TSC22D3: variants seen among roughly 807,000 people sequenced by gnomAD.
TSC22D3 encodes TSC22 domain family member 3.
In TSC22D3, 4 loss-of-function variants were observed where a neutral mutation model predicts 11.1. The observed-to-expected ratio is 0.36, with a 90% confidence interval of 0.18 to 0.83. The LOEUF (loss-of-function observed/expected upper bound fraction) is 0.83, where lower values mean the gene tolerates loss of function less well. Among genes scored for constraint, TSC22D3 ranks in the 40% least tolerant of loss-of-function variants. The probability of loss-of-function intolerance (pLI) is 0.48; values close to 1 mark genes in which losing one functional copy is unlikely to be tolerated. For missense variants in TSC22D3, 118 were observed against 159.4 expected (o/e 0.74, Z 1.40); for synonymous variants, 77 against 70.3 (o/e 1.10, Z -0.48).
chrX:107,771,710 G>C (rs1036242971), intron 1 of TSC22D3, among the ~76,000 whole-genome samples: 4 of 112,657 alleles, frequency 3.6e-5, no homozygotes, highest in Admixed American at 2.8e-4. Flanking sequence ...ATCTGTTATG[G>C]TTATTAGTTA....
chrX:107,775,561 C>G lies in TSC22D3; in HGVS notation c.-142G>C. The G allele has an allele frequency of 2.1e-6, 1 of 473,439 alleles. No individual in the cohort carries two copies. The highest frequency in any genetic ancestry group is 3.5e-6 in the Non-Finnish European group (1 of 287,315). The allele number at this position is 473,439 out of a possible 1,213,427, so 39.0% of individuals were successfully genotyped here. ...AAGAGTTGGAAATTAGCGCCTAAAG[C>G]CAGCCACCTTCGGCTCGGCCCCCTT... On this transcript the variant is annotated 5_prime_UTR_variant, in exon 1 of 3. Coordinates refer to ENST00000372383, the MANE Select transcript of TSC22D3 (RefSeq NM_198057.3).
intron 1 of TSC22D3, among the ~76,000 whole-genome samples, chrX:107,725,571 G>A (rs1474591488): frequency 1.8e-5 from 2 of 111,929 alleles, no homozygotes; most frequent in African/African-American, 3.3e-5. Flanking sequence ...ACATTCGGAC[G>A]AGGCTTGGCA....
chrX:107,775,012 C>T (rs1930068743), intron 1 of TSC22D3, 88 bp downstream of exon 1: 3 of 1,051,551 alleles, frequency 2.9e-6, no homozygotes, highest in South Asian at 2.1e-5. Flanking sequence ...TCCTGAACTT[C>T]CTAGTTGCCC....
chrX:107,753,683 C>T (rs138720143), intron 1 of TSC22D3, among the ~76,000 whole-genome samples: 1 of 111,773 alleles, frequency 8.9e-6, no homozygotes, highest in Non-Finnish European at 1.9e-5. Context: ...TTCAAAGACA[C>T]ACAGAAATGA....
Position 107,775,214 on chromosome X carries a change from A to G in TSC22D3, c.206T>C (p.Met69Thr). Residue 69 changes from methionine to threonine, a missense_variant, in exon 1 of 3, where the codon ATG becomes ACG. Physicochemically the swap from Met to Thr is moderately conservative, Grantham distance 81. Coordinates refer to ENST00000372383, the MANE Select transcript of TSC22D3 (RefSeq NM_198057.3). Reference sequence around the variant, plus strand: ...CACCGGCTCTAGCGAATCCTGCCGCATTATGCTGTTGAGCTTGTCGGTATT... The same window carrying G: ...CACCGGCTCTAGCGAATCCTGCCGCGTTATGCTGTTGAGCTTGTCGGTATT... ...NLNTDKLNSI[M>T]RQDSLEPVLR... 3 of 1,211,929 alleles carry G rather than the reference A, an allele frequency of 2.5e-6. No homozygotes were observed. Among genetic ancestry groups the G allele is most frequent in the Non-Finnish European group, 3.3e-6 (3 of 895,567 alleles).
At chrX:107,747,707 T>C (rs756919967) in intron 1 of TSC22D3, among the ~76,000 whole-genome samples, 1 of 113,109 alleles carries the variant, frequency 8.8e-6, no homozygotes, top group Non-Finnish European at 1.9e-5. Context: ...TGCTCTGCTA[T>C]TGAATTTCTA....
At chrX:107,721,878 G>T (rs765870807) in intron 1 of TSC22D3, 1 of 519,148 alleles carries the variant, frequency 1.9e-6, no homozygotes, top group Non-Finnish European at 3.5e-6. Flanking sequence ...TTTCTGAAGA[G>T]GCTGGAGGAA....
chrX:107,716,145 A>C (rs1927010110), intron 1 of TSC22D3, 195 bp from the exon 2 acceptor site: 1 of 631,607 alleles, frequency 1.6e-6, no homozygotes, highest in African/African-American at 2.2e-5. Flanking sequence ...CTCCTCATCC[A>C]GGCCGGCTCA....
chrX:107,721,216 AG>A (rs1927312874), intron 1 of TSC22D3, among the ~76,000 whole-genome samples: 1 of 112,069 alleles, frequency 8.9e-6, no homozygotes, highest in Non-Finnish European at 1.9e-5. Context: ...TAATGAGGAC[AG>A]GGCCAATTCC....
Position 107,715,913 on chromosome X carries a change from T to C in TSC22D3, c.358A>G (p.Ile120Val), listed in dbSNP as rs1926992483. The C allele has an allele frequency of 8.3e-7, 1 of 1,209,827 alleles. No homozygotes were observed. Among genetic ancestry groups the C allele is most frequent in the Admixed American group, 2.2e-5 (1 of 45,896 alleles). The change falls in exon 2 of 3, where the codon ATC becomes GTC. Residue 120 changes from isoleucine to valine, a missense_variant. Transcript: ENST00000372383. ...GASVVAIDNK[I>V]EQAMDLVKNH... ...ATGCCACTCACCATGGCCTGTTCGA[T>C]CTTGTTGTCTATGGCCACCACGCTG...
intron 1 of TSC22D3, among the ~76,000 whole-genome samples, chrX:107,718,528 A>C (rs1423483273): frequency 8.8e-6 from 1 of 113,202 alleles, no homozygotes; most frequent in Admixed American, 9.3e-5. Context: ...CATTTATCTT[A>C]ACCAGGTGCC....
chrX:107,775,381 G>A lies in TSC22D3; in HGVS notation c.39C>T (p.Gly13=), dbSNP rs1217514323. 8.3e-7 allele frequency: 1 copy of A among 1,201,124 alleles called. No individual in the cohort carries two copies. The highest frequency in any genetic ancestry group is 1.8e-5 in the South Asian group (1 of 55,705). The part of the protein sequence containing the change: ...QSKLDCRSPV[G]LDCCNCCLDL... ...CCAGGCAGCAGTTGCAGCAGTCGAG[G>A]CCGACAGGTGAGCGGCAATCGAGCT... The change falls in exon 1 of 3, where the codon GGC becomes GGT. Residue 13 remains glycine (G), a synonymous_variant. Transcript: ENST00000372383.
chrX:107,750,959 C>T (rs990767492), intron 1 of TSC22D3, among the ~76,000 whole-genome samples: 11 of 112,012 alleles, frequency 9.8e-5, no homozygotes, highest in African/African-American at 3.6e-4. Flanking sequence ...TTATTAAAGC[C>T]ATTTACAAAA....
chrX:107,714,762 G>C lies in TSC22D3; in HGVS notation c.373-13C>G. The stretch of plus-strand genomic sequence containing the variant: ...TCTTCACCAGATCCTGCCAATGAGG[G>C]AATCATAACAAAGCCATTCCTTAGC... On this transcript the variant is annotated splice_polypyrimidine_tract_variant and intron_variant, in intron 2 of 2. Transcript: ENST00000372383. 8.3e-7 allele frequency: 1 copy of C among 1,202,064 alleles called. No homozygotes were observed. Among genetic ancestry groups the C allele is most frequent in the East Asian group, 3.0e-5 (1 of 33,794 alleles).
intron 1 of TSC22D3, among the ~76,000 whole-genome samples, chrX:107,727,873 G>A (rs1325630452): frequency 8.9e-6 from 1 of 112,439 alleles, no homozygotes; most frequent in East Asian, 2.8e-4. Context: ...TTCCCTGTAT[G>A]TAGAACTTCT....
At chrX:107,735,356 A>C (rs776039963) in intron 1 of TSC22D3, among the ~76,000 whole-genome samples, 2 of 111,516 alleles carry the variant, frequency 1.8e-5, no homozygotes, top group Admixed American at 9.5e-5. Flanking sequence ...TGGTTTCCAC[A>C]CCTGTTCAGA....
At chrX:107,726,646 T>C (rs1160086917) in intron 1 of TSC22D3, among the ~76,000 whole-genome samples, 1 of 111,200 alleles carries the variant, frequency 9.0e-6, no homozygotes, top group Non-Finnish European at 1.9e-5. Context: ...TTTTCTTTCT[T>C]TCATCTTCTT....
At chrX:107,763,778 C>T (rs955959735) in intron 1 of TSC22D3, among the ~76,000 whole-genome samples, 104 of 112,386 alleles carry the variant, frequency 9.3e-4, no homozygotes, top group African/African-American at 3.3e-3. Flanking sequence ...ATCACTGGTC[C>T]CCAGGGCTAG....
intron 1 of TSC22D3, among the ~76,000 whole-genome samples, chrX:107,753,840 A>C (rs1260779629): frequency 1.8e-5 from 2 of 110,582 alleles, no homozygotes; most frequent in Non-Finnish European, 3.8e-5. Context: ...GTGCAAGCTT[A>C]TTTTCATATC....
Sources: allele counts gnomAD v4.1 joint callset (sites outside exome capture counted in the v4.1 genomes callset), GRCh38; gene constraint gnomAD v4.1.1; transcripts MANE v1.5; gene names NCBI Gene and HGNC (gene_info 2026-07-23, HGNC 2026-07-21).